ACTN3: variants seen among roughly 807,000 people sequenced by gnomAD.
ACTN3 encodes the protein alpha-actinin-3.
In ACTN3, 91 loss-of-function variants were observed where a neutral mutation model predicts 119.6. That is an observed-to-expected ratio of 0.76 (90% CI 0.64 to 0.91). The LOEUF is 0.91. ACTN3 is among the 40% of genes least tolerant of loss of function. ACTN3 has a pLI of 0.00. For missense variants in ACTN3, 1,221 were observed against 1,215.1 expected (o/e 1.00, Z -0.07); for synonymous variants, 456 against 478.8 (o/e 0.95, Z 0.62).
intron 1 of ACTN3, among the ~76,000 whole-genome samples, chr11:66,549,782 T>G (rs1359345445): frequency 7.2e-6 from 1 of 139,442 alleles, no homozygotes; most frequent in Admixed American, 7.3e-5. Context: ...CACCCAGACC[T>G]GCCTATCCCC....
intron 1 of ACTN3, 22 bp downstream of exon 1, chr11:66,547,106 G>A: frequency 6.7e-7 from 1 of 1,488,550 alleles, no homozygotes; most frequent in Non-Finnish European, 8.9e-7. Flanking sequence ...CCCATTTCCT[G>A]ACAGCAAAAC....
At position 66,562,028 on chromosome 11, in the gene ACTN3, C is replaced by T. The variant is rs372825946; in HGVS notation, c.2182C>T (p.Arg728Cys). ...CCTGTCCCCTGACCGCCAGCACATC[C>T]GCGTGGGCTGGGAGCAGCTGCTCAC... ...KHTVYSMEHI[R>C]VGWEQLLTSI... The change falls in exon 18 of 21, where the codon CGC becomes TGC. Residue 728 changes from arginine (R) to cysteine (C), a missense_variant. By Grantham distance (180) the Arg-to-Cys change is radical (BLOSUM62 -3). Transcript: ENST00000513398. 5.5e-5 allele frequency: 89 copies of T among 1,608,620 alleles called. No homozygotes were observed. The South Asian group carries it at 6.1e-4, about 11-fold the overall frequency.
chr11:66,562,020 A>G lies in ACTN3; in HGVS notation c.2176-2A>G, dbSNP rs1207927336. ...GACAGTGGCCTGTCCCCTGACCGCC[A>G]GCACATCCGCGTGGGCTGGGAGCAG... On this transcript the variant is annotated splice_acceptor_variant, in intron 17 of 20. Coordinates refer to ENST00000513398, the MANE Select transcript of ACTN3 (RefSeq NM_001104.4). LOFTEE classifies it high-confidence loss of function. The G allele has an allele frequency of 6.2e-7, 1 of 1,605,526 alleles. No homozygotes were observed.
chr11:66,558,257 A>G, intron 11 of ACTN3, 83 bp downstream of exon 11: 1 of 1,565,412 alleles, frequency 6.4e-7, no homozygotes. Flanking sequence ...GTTCTTGGCA[A>G]AATGCACAGG....
chr11:66,549,681 A>AGATC (rs1430252132), intron 1 of ACTN3, among the ~76,000 whole-genome samples: 1 of 144,702 alleles, frequency 6.9e-6, no homozygotes, highest in Non-Finnish European at 1.5e-5. Flanking sequence ...CAGTGAGTAG[A>AGATC]GATCGCACCA....
intron 5 of ACTN3, 22 bp from the exon 6 acceptor site, chr11:66,555,108 C>A: frequency 6.2e-7 from 1 of 1,612,172 alleles, no homozygotes; most frequent in Non-Finnish European, 8.5e-7. Flanking sequence ...CCAGGCCTGA[C>A]CCCCCTCTTC....
At chr11:66,546,795 C>T (rs1386246852), upstream of ACTN3, 8 of 1,534,000 alleles carry the variant, frequency 5.2e-6, no homozygotes, top group South Asian at 4.8e-5. Context: ...AGGTCCAACC[C>T]GAGCTCCTTC....
chr11:66,560,541 AC>A, intron 14 of ACTN3, 31 bp from the exon 15 acceptor site: 1 of 1,587,590 alleles, frequency 6.3e-7, no homozygotes. Flanking sequence ...AGTGGGGGAC[AC>A]CAGCTGACAC....
chr11:66,547,891 C>T (rs1857394738), intron 1 of ACTN3, among the ~76,000 whole-genome samples: 1 of 152,114 alleles, frequency 6.6e-6, no homozygotes, highest in Non-Finnish European at 1.5e-5. Flanking sequence ...CAGGGCCCCT[C>T]CCTCCCTGAG....
intron 5 of ACTN3, 122 bp downstream of exon 5, chr11:66,554,745 G>T (rs1009655785): frequency 5.1e-6 from 4 of 792,044 alleles, no homozygotes; most frequent in Non-Finnish European, 7.9e-6. Flanking sequence ...GGGAAGGAAA[G>T]GTCACAGTTC....
intron 17 of ACTN3, 67 bp from the exon 18 acceptor site, chr11:66,561,955 T>C: frequency 4.5e-6 from 7 of 1,539,582 alleles, no homozygotes; most frequent in Middle Eastern, 1.8e-4. Context: ...GTGAACTGGA[T>C]GTGGAGCTAG....
At chr11:66,551,811 C>A in intron 3 of ACTN3, 164 bp downstream of exon 3, 2 of 639,438 alleles carry the variant, frequency 3.1e-6, no homozygotes, top group Non-Finnish European at 3.9e-6. Context: ...CACGGTGGCT[C>A]ACGCCTGTAA....
In ACTN3 at chr11:66,559,241, G is replaced by A. The variant is rs748414364; in HGVS notation, c.1282G>A (p.Glu428Lys). 3 of 1,545,188 alleles carry A rather than the reference G, an allele frequency of 1.9e-6. No individual in the cohort carries two copies. Among genetic ancestry groups the A allele is most frequent in the Non-Finnish European group, 1.7e-6 (2 of 1,146,032 alleles). ...SLHEAWTRGKEEMLSQRDYDS... is the reference protein window; with the variant it reads ...SLHEAWTRGKKEMLSQRDYDS... ...GCCGGCATCTCTTTGAGCAGGAAAG[G>A]AGGAGATGCTGAGCCAGCGCGACTA... The change falls in exon 12 of 21, where the codon GAG (glutamate) becomes AAG (lysine). Residue 428 changes from glutamate (E) to lysine (K), a missense_variant. Glu to Lys is a moderately conservative substitution (Grantham distance 56). This residue lies in a region of ACTN3 where 934 missense variants were observed against 899.9 expected (regional missense o/e 1.04). Transcript: ENST00000513398.
At position 66,557,773 on chromosome 11, in the gene ACTN3, G is replaced by C; in HGVS notation, c.972G>C (p.Gln324His). Residue 324 changes from glutamine (Q) to histidine (H), a missense_variant, in exon 10 of 21, where the codon CAG becomes CAC. Coordinates refer to ENST00000513398, the MANE Select transcript of ACTN3 (RefSeq NM_001104.4). ...GTGAGCCCAGCATGAGTGCCATGCA[G>C]CGCAAACTAGAGGACTTTCGGGACT... The part of the protein sequence containing the change: ...RVGEPSMSAM[Q>H]RKLEDFRDYR... 6.2e-7 allele frequency: 1 copy of C among 1,613,766 alleles called. No homozygotes were observed. Among genetic ancestry groups the C allele is most frequent in the Non-Finnish European group, 8.5e-7 (1 of 1,179,870 alleles).
chr11:66,556,090 G>A, intron 7 of ACTN3, 55 bp from the exon 8 acceptor site: 2 of 1,513,354 alleles, frequency 1.3e-6, no homozygotes, highest in Non-Finnish European at 1.8e-6. Context: ...AGAGTTCTCT[G>A]CCTGGGGAGG....
In ACTN3 at chr11:66,559,406, GCCCGCCCCCAACACCCCCGGC is replaced by G; in HGVS notation, c.1427+30_1427+50del. On this transcript the variant is annotated intron_variant, in intron 12 of 20. Transcript: ENST00000513398. ...GCTCAAGTAGGCGGGGCCTCGCGGGGCCCGCCCCCAACACCCCCGGCCCCGCCCCCGGTGGCGAGCCCCACC... is the reference window on the plus strand; with the variant it reads ...GCTCAAGTAGGCGGGGCCTCGCGGGGCCCGCCCCCGGTGGCGAGCCCCACC... 4 of 1,470,064 alleles carry G rather than the reference GCCCGCCCCCAACACCCCCGGC, an allele frequency of 2.7e-6. No individual in the cohort carries two copies. Among genetic ancestry groups the G allele is most frequent in the Non-Finnish European group, 3.6e-6 (4 of 1,117,758 alleles). 91.1% of individuals were successfully genotyped at this position (1,470,064 alleles called of 1,614,324 possible).
chr11:66,546,495 T>G, upstream of ACTN3: 2 of 1,526,976 alleles, frequency 1.3e-6, no homozygotes, highest in Non-Finnish European at 1.8e-6. Flanking sequence ...GGCGCCTCTG[T>G]GTTCCTGACT....
upstream of ACTN3, chr11:66,546,436 C>A: frequency 8.6e-7 from 1 of 1,160,006 alleles, no homozygotes; most frequent in Non-Finnish European, 1.2e-6. Context: ...CAGAGCCGTT[C>A]CCCATGCCCG....
intron 11 of ACTN3, 163 bp from the exon 12 acceptor site, chr11:66,559,072 CT>C: frequency 1.5e-6 from 1 of 660,820 alleles, no homozygotes; most frequent in Non-Finnish European, 2.2e-6. Context: ...CGGAAGAGGA[CT>C]TTCACCTACG....
Sources: allele counts gnomAD v4.1 joint callset (sites outside exome capture counted in the v4.1 genomes callset), GRCh38; gene constraint gnomAD v4.1.1; regional missense constraint gnomAD v4.1.1; transcripts MANE v1.5; gene names NCBI Gene and HGNC (gene_info 2026-07-23, HGNC 2026-07-21).